Variants in WLS observed in about 807,000 individuals in gnomAD.
WLS encodes the protein Wnt ligand secretion mediator.
Under a neutral mutation model 62.8 loss-of-function variants are expected in WLS, and 23 were observed. The observed-to-expected ratio is 0.37, with a 90% CI of 0.26 to 0.52. The LOEUF is 0.52. WLS is among the 20% of genes least tolerant of loss of function. The probability of loss-of-function intolerance (pLI) is 0.92; values close to 1 mark genes in which losing one functional copy is unlikely to be tolerated. For missense variants in WLS, 615 were observed against 697.3 expected, an observed-to-expected ratio of 0.88 and a Z score of 1.33; for synonymous variants, 246 against 244.1, an observed-to-expected ratio of 1.01 and a Z score of -0.07.
intron 11 of WLS, among the ~76,000 whole-genome samples, chr1:68,102,251 C>T (rs1254408983): frequency 1.5e-5 from 2 of 130,100 alleles, no homozygotes; most frequent in Non-Finnish European, 3.0e-5. Flanking sequence ...CTGCCCCTTC[C>T]TCTTTTTACT....
chr1:68,123,475 CCTT>C (rs1557455721), downstream of WLS, among the ~76,000 whole-genome samples: 1 of 151,944 alleles, frequency 6.6e-6, no homozygotes, highest in Non-Finnish European at 1.5e-5. Context: ...GCCCAGTTGT[CCTT>C]CTTCCTCTCA....
At chr1:68,108,502 G>A (rs561269630) in intron 11 of WLS, among the ~76,000 whole-genome samples, 1 of 152,130 alleles carries the variant, frequency 6.6e-6, no homozygotes, top group African/African-American at 2.4e-5. Context: ...AGCCCATAGT[G>A]TGCTATGGTC....
At chr1:68,151,462 C>T (rs1263064508) in intron 5 of WLS, among the ~76,000 whole-genome samples, 1 of 152,072 alleles carries the variant, frequency 6.6e-6, no homozygotes, top group East Asian at 1.9e-4. Context: ...TAAACTCCTA[C>T]TATGTGTCAG....
At position 68,189,328 on chromosome 1, in the gene WLS, A is replaced by G. The variant is rs12145199; in HGVS notation, c.379+4627T>C. The stretch of plus-strand genomic sequence containing the variant: ...AAGATGAAAGTTCTCAACTTAAAAG[A>G]AAAAAAAATCTTATGCTGAGGTTGC... On this transcript the variant is annotated intron_variant, in intron 2 of 11. Coordinates refer to ENST00000262348, the MANE Select transcript of WLS (RefSeq NM_024911.7). Among the ~76,000 whole-genome samples the G allele has an allele frequency of 9.1e-3, 1,225 of 133,894 alleles. 7 individuals are homozygous for G. Among genetic ancestry groups the G allele is most frequent in the Non-Finnish European group, 0.013 (736 of 58,158 alleles). The allele number at this position is 133,894 out of a possible 152,430, so 87.8% of individuals were successfully genotyped here.
At chr1:68,231,395 G>A (rs1397616263) in intron 1 of WLS, among the ~76,000 whole-genome samples, 1 of 152,074 alleles carries the variant, frequency 6.6e-6, no homozygotes, top group African/African-American at 2.4e-5. Flanking sequence ...AGAGGACGGG[G>A]ACATTCACAG....
chr1:68,151,718 A>G (rs960454552), intron 5 of WLS, among the ~76,000 whole-genome samples: 1 of 152,158 alleles, frequency 6.6e-6, no homozygotes, highest in Non-Finnish European at 1.5e-5. Flanking sequence ...TTTGAGCACA[A>G]TAAAGGGGGC....
chr1:68,192,260 C>T (rs77489034), intron 2 of WLS, among the ~76,000 whole-genome samples: 9,488 of 152,104 alleles, frequency 0.062, 363 homozygotes, highest in Admixed American at 0.096. Context: ...GCTCCAACTC[C>T]TAAACAGAGT....
At chr1:68,187,951 A>G (rs1472132073) in intron 2 of WLS, among the ~76,000 whole-genome samples, 14 of 152,236 alleles carry the variant, frequency 9.2e-5, no homozygotes, top group Admixed American at 9.2e-4. Flanking sequence ...ACCTAAACTT[A>G]CCTGAGGCTC....
chr1:68,153,115 C>A (rs1431440602), intron 5 of WLS, among the ~76,000 whole-genome samples: 8 of 151,992 alleles, frequency 5.3e-5, no homozygotes, highest in African/African-American at 1.9e-4. Flanking sequence ...CCTGTCTCTA[C>A]AAAAAATACA....
chr1:68,106,607 G>A (rs1646147523), intron 11 of WLS, among the ~76,000 whole-genome samples: 1 of 152,136 alleles, frequency 6.6e-6, no homozygotes, highest in Non-Finnish European at 1.5e-5. Flanking sequence ...CTGTTCAATG[G>A]TGGCAGACAT....
In WLS at chr1:68,155,079, G is replaced by A. The variant is rs3762371; in HGVS notation, c.666+20C>T. The stretch of plus-strand genomic sequence containing the variant: ...AGTTCCCCTCCAATACACATGTCAA[G>A]ATCAATTACATTCACTTACCACCAA... On this transcript the variant is annotated intron_variant, in intron 4 of 11. Coordinates refer to ENST00000262348, the MANE Select transcript of WLS (RefSeq NM_024911.7). The A allele has an allele frequency of 0.39, 631,152 of 1,609,386 alleles. 128,561 individuals carry two copies. The highest frequency in any genetic ancestry group is 0.42 in the Non-Finnish European group (496,856 of 1,177,578).
At chr1:68,185,261 C>T (rs12118747) in intron 2 of WLS, among the ~76,000 whole-genome samples, 8,306 of 152,262 alleles carry the variant, frequency 0.055, 268 homozygotes, top group East Asian at 0.13. Context: ...CATGACCCTC[C>T]TCCTTAGGAT....
At chr1:68,183,253 G>A (rs1322085810) in intron 2 of WLS, among the ~76,000 whole-genome samples, 1 of 152,172 alleles carries the variant, frequency 6.6e-6, no homozygotes, top group Non-Finnish European at 1.5e-5. Flanking sequence ...AGACATGGTC[G>A]TAAATGAAAG....
intron 2 of WLS, among the ~76,000 whole-genome samples, chr1:68,175,865 G>A (rs574126615): frequency 6.5e-4 from 99 of 152,230 alleles, no homozygotes; most frequent in Middle Eastern, 6.8e-3. Flanking sequence ...CCCCTAACCC[G>A]GAAAATACAT....
At chr1:68,189,100 A>G (rs1648139264) in intron 2 of WLS, among the ~76,000 whole-genome samples, 1 of 152,164 alleles carries the variant, frequency 6.6e-6, no homozygotes, top group Non-Finnish European at 1.5e-5. Flanking sequence ...CTGTCCCCTG[A>G]TAAGAATCAC....
chr1:68,121,438 TGTGTTG>T (rs1646362366), downstream of WLS, among the ~76,000 whole-genome samples: 1 of 152,116 alleles, frequency 6.6e-6, no homozygotes, highest in East Asian at 1.9e-4. Context: ...GAGAGATCAG[TGTGTTG>T]TCACAGGAGA....
downstream of WLS, chr1:68,121,013 G>A (rs1446102104): frequency 6.6e-6 from 1 of 152,204 alleles, no homozygotes; most frequent in Admixed American, 6.5e-5. Flanking sequence ...TGAATACAGA[G>A]AAGGTATTGG....
intron 2 of WLS, 122 bp from the exon 3 acceptor site, chr1:68,159,369 C>A: frequency 7.8e-7 from 1 of 1,275,010 alleles, no homozygotes; most frequent in East Asian, 2.5e-5. Flanking sequence ...ATATTAATTT[C>A]TATCAAACTC....
intron 1 of WLS, among the ~76,000 whole-genome samples, chr1:68,195,038 A>T (rs546821628): frequency 6.6e-6 from 1 of 152,256 alleles, no homozygotes; most frequent in African/African-American, 2.4e-5. Flanking sequence ...ACTGTTGGAA[A>T]ATGTCAAAAT....
Sources: gnomAD v4.1 joint callset for allele counts (sites outside exome capture counted in the v4.1 genomes callset) on GRCh38, gnomAD v4.1.1 for gene constraint, MANE v1.5 for transcripts, NCBI Gene and HGNC (gene_info 2026-07-23, HGNC 2026-07-21) for gene names.